Variants in CDH18 observed in about 807,000 individuals in gnomAD.
CDH18 encodes the protein cadherin 18.
Under a neutral mutation model 67.9 loss-of-function variants are expected in CDH18, and 31 were observed. That is an observed-to-expected ratio of 0.46 (90% CI 0.34 to 0.62). CDH18 has a LOEUF of 0.62. Ranked by LOEUF, CDH18 falls within the 20% of genes least tolerant of loss-of-function variation. CDH18 has a pLI of 0.01. For missense variants in CDH18, 890 were observed against 975.5 expected (o/e 0.91, Z 1.17); for synonymous variants, 362 against 347.2 (o/e 1.04, Z -0.48).
chr5:20,050,584 CA>C (rs1741333746), intron 2 of CDH18, among the ~76,000 whole-genome samples: 1 of 151,738 alleles, frequency 6.6e-6, no homozygotes, highest in Non-Finnish European at 1.5e-5. Flanking sequence ...TGTTACAATC[CA>C]AAATATTGCC....
Position 19,785,406 on chromosome 5 carries a change from A to G in CDH18, c.229-38170T>C, listed in dbSNP as rs187372560. ...GGTGGCTCATACCTGCAATCCCAGC[A>G]CTTTGGGAGGCCGAGGCGGGCAGAT... On this transcript the variant is annotated intron_variant, in intron 3 of 12. Transcript: ENST00000382275. Among the ~76,000 whole-genome samples the G allele has an allele frequency of 8.5e-3, 1,286 of 151,372 alleles. 18 individuals carry two copies. The highest frequency in any genetic ancestry group is 0.029 in the African/African-American group (1,205 of 41,222).
At chr5:20,242,475 G>A (rs1281375006) in intron 2 of CDH18, among the ~76,000 whole-genome samples, 1 of 150,426 alleles carries the variant, frequency 6.6e-6, no homozygotes, top group African/African-American at 2.5e-5. Flanking sequence ...TATGATATTT[G>A]TCTTCCTGTC....
chr5:19,636,558 CTT>C (rs992742262), intron 5 of CDH18, among the ~76,000 whole-genome samples: 2 of 151,840 alleles, frequency 1.3e-5, no homozygotes, highest in African/African-American at 4.8e-5. Context: ...AATTTTGACT[CTT>C]AATTTTTATA....
At chr5:20,459,480 G>A (rs1751092505) in intron 1 of CDH18, among the ~76,000 whole-genome samples, 1 of 152,208 alleles carries the variant, frequency 6.6e-6, no homozygotes, top group Admixed American at 6.5e-5. Context: ...ATTTGTGAGA[G>A]CCTAGAATTC....
At chr5:20,362,953 A>G (rs772489842) in intron 1 of CDH18, among the ~76,000 whole-genome samples, 3 of 152,316 alleles carry the variant, frequency 2.0e-5, no homozygotes, top group East Asian at 1.9e-4. Flanking sequence ...ATACTAGACC[A>G]TGGAGCTTTA....
At chr5:19,711,142 C>T (rs1200967199) in intron 5 of CDH18, among the ~76,000 whole-genome samples, 2 of 151,956 alleles carry the variant, frequency 1.3e-5, no homozygotes, top group East Asian at 1.9e-4. Context: ...TATAAAAATA[C>T]TAGAAGAAAA....
intron 2 of CDH18, among the ~76,000 whole-genome samples, chr5:20,133,823 T>C (rs1037258588): frequency 6.6e-6 from 1 of 152,202 alleles, no homozygotes; most frequent in African/African-American, 2.4e-5. Context: ...TCTGAGCTGC[T>C]TCTATCAATG....
intron 1 of CDH18, among the ~76,000 whole-genome samples, chr5:20,534,229 A>G (rs1756580066): frequency 6.6e-6 from 1 of 152,090 alleles, no homozygotes; most frequent in African/African-American, 2.4e-5. Flanking sequence ...ATTAGTTAAT[A>G]CTAGTTTTTA....
At chr5:20,475,690 A>C (rs910869576) in intron 1 of CDH18, among the ~76,000 whole-genome samples, 1 of 152,226 alleles carries the variant, frequency 6.6e-6, no homozygotes, top group Non-Finnish European at 1.5e-5. Flanking sequence ...ATCTACTTAC[A>C]TAACAATTCT....
At chr5:19,581,401 G>A (rs1743227598) in intron 7 of CDH18, among the ~76,000 whole-genome samples, 1 of 151,688 alleles carries the variant, frequency 6.6e-6, no homozygotes, top group African/African-American at 2.4e-5. Context: ...TACATATTCA[G>A]GACTTTTTAA....
intron 1 of CDH18, among the ~76,000 whole-genome samples, chr5:20,272,658 T>C (rs972469057): frequency 3.9e-5 from 6 of 152,074 alleles, no homozygotes; most frequent in Admixed American, 1.3e-4. Flanking sequence ...AAAATATTTA[T>C]ATTGACATAA....
chr5:20,488,204 A>T (rs954407547), intron 1 of CDH18, among the ~76,000 whole-genome samples: 3 of 152,208 alleles, frequency 2.0e-5, no homozygotes, highest in African/African-American at 7.2e-5. Flanking sequence ...GATCATAATT[A>T]AAAATATTTT....
At chr5:20,300,626 T>C (rs1341158490) in intron 1 of CDH18, among the ~76,000 whole-genome samples, 1 of 152,132 alleles carries the variant, frequency 6.6e-6, no homozygotes, top group African/African-American at 2.4e-5. Context: ...CAAGAGAATA[T>C]GAAATCTCCT....
intron 5 of CDH18, among the ~76,000 whole-genome samples, chr5:19,649,530 T>C (rs904163151): frequency 6.6e-6 from 1 of 152,064 alleles, no homozygotes; most frequent in Non-Finnish European, 1.5e-5. Context: ...AATTGACTTA[T>C]GTCTTTGAAT....
At chr5:19,582,646 T>G (rs190270864) in intron 7 of CDH18, among the ~76,000 whole-genome samples, 1 of 152,118 alleles carries the variant, frequency 6.6e-6, no homozygotes, top group East Asian at 1.9e-4. Flanking sequence ...ATAATGAAAT[T>G]CCTAAGGAAT....
At chr5:20,068,770 A>G (rs1387359338) in intron 2 of CDH18, among the ~76,000 whole-genome samples, 2 of 152,106 alleles carry the variant, frequency 1.3e-5, no homozygotes, top group Non-Finnish European at 2.9e-5. Flanking sequence ...AAATTCAGGT[A>G]TTTTTGGATA....
rs185208831 is a variant in CDH18 at position 19,564,284 on chromosome 5, C to T, written c.1253+7295G>A. Among the ~76,000 whole-genome samples the T allele has an allele frequency of 2.0e-4, 30 of 152,344 alleles. No homozygotes were observed. The East Asian group carries it at 5.4e-3, about 27-fold the overall frequency. On this transcript the variant is annotated intron_variant, in intron 8 of 12. Transcript: ENST00000382275. The stretch of plus-strand genomic sequence containing the variant: ...GTGCTTCTGCCACTCCTCCCCCAAC[C>T]GCAGGCAGTGCAGCTTGCAGCTCTG...
At chr5:19,957,492 T>A (rs1204679376) in intron 2 of CDH18, among the ~76,000 whole-genome samples, 2 of 151,870 alleles carry the variant, frequency 1.3e-5, no homozygotes, top group Admixed American at 6.6e-5. Context: ...AGCCTTTGAA[T>A]AATCTTTTCT....
chr5:19,749,598 T>TAAAG (rs144199508), intron 3 of CDH18, among the ~76,000 whole-genome samples: 2,513 of 151,002 alleles, frequency 0.017, 66 homozygotes, highest in African/African-American at 0.058. Flanking sequence ...TACAGATACT[T>TAAAG]AAGGATATTT....
Sources: gnomAD v4.1 joint callset for allele counts (sites outside exome capture counted in the v4.1 genomes callset) on GRCh38, gnomAD v4.1.1 for gene constraint, MANE v1.5 for transcripts, NCBI Gene and HGNC (gene_info 2026-07-23, HGNC 2026-07-21) for gene names.